THEM4: variants seen among roughly 807,000 people sequenced by gnomAD.
THEM4 encodes thioesterase superfamily member 4.
A neutral mutation model predicts 25.0 loss-of-function variants in THEM4; 22 were observed. That is an observed-to-expected ratio of 0.88 (90% CI 0.63 to 1.26). The LOEUF is 1.26. Ranked by LOEUF, THEM4 falls within the 50% of genes most tolerant of loss-of-function variation. The pLI is 0.00. For missense variants in THEM4, 286 were observed against 300.3 expected (o/e 0.95, Z 0.35); for synonymous variants, 113 against 105.6 (o/e 1.07, Z -0.43).
At chr1:151,890,055 C>T in intron 2 of THEM4, 1 of 288,506 alleles carries the variant, frequency 3.5e-6, no homozygotes. Flanking sequence ...TACAGGCGCC[C>T]ACCACCACGC....
chr1:151,875,191 T>A (rs1653646449), intron 5 of THEM4, among the ~76,000 whole-genome samples: 1 of 152,168 alleles, frequency 6.6e-6, no homozygotes, highest in South Asian at 2.1e-4. Flanking sequence ...TGAAAAGAAC[T>A]AAAATTACAA....
intron 2 of THEM4, among the ~76,000 whole-genome samples, chr1:151,892,328 A>G (rs1654112292): frequency 6.6e-6 from 1 of 152,200 alleles, no homozygotes; most frequent in Non-Finnish European, 1.5e-5. Flanking sequence ...AATGAGAATG[A>G]GACAGGGAGG....
intron 1 of THEM4, among the ~76,000 whole-genome samples, chr1:151,900,306 C>A (rs949138222): frequency 2.0e-5 from 3 of 151,974 alleles, no homozygotes; most frequent in African/African-American, 7.2e-5. Flanking sequence ...ACAAAGAGTA[C>A]AATGAACACA....
chr1:151,896,680 TG>T (rs1317062147), intron 1 of THEM4, among the ~76,000 whole-genome samples: 1 of 152,130 alleles, frequency 6.6e-6, no homozygotes, highest in Non-Finnish European at 1.5e-5. Flanking sequence ...GGATTTTAAA[TG>T]GGGGGTAACA....
rs536296471 is a variant in THEM4 at position 151,872,908 on chromosome 1, C to G, written c.*1980G>C. Among the ~76,000 whole-genome samples, 132 of 152,186 alleles carry G rather than the reference C, an allele frequency of 8.7e-4. No individual in the cohort carries two copies. Among genetic ancestry groups the G allele is most frequent in the Non-Finnish European group, 1.7e-3 (115 of 68,014 alleles). On this transcript the variant is annotated 3_prime_UTR_variant, in exon 6 of 6. Transcript: ENST00000368814. Reference sequence around the variant, plus strand: ...GGGAAGGGAAAGACCTGACCATCCCCCAGCCCGACACCCGCAAAGGGTCTG... The same window carrying G: ...GGGAAGGGAAAGACCTGACCATCCCGCAGCCCGACACCCGCAAAGGGTCTG...
At position 151,894,601 on chromosome 1, in the gene THEM4, C is replaced by T. The variant is rs147063932; in HGVS notation, c.286+407G>A. 5.9e-3 allele frequency among the ~76,000 whole-genome samples: 891 copies of T among 151,968 alleles called. 9 individuals are homozygous for T. Among genetic ancestry groups the T allele is most frequent in the African/African-American group, 0.021 (853 of 41,420 alleles). On this transcript the variant is annotated intron_variant, in intron 2 of 5. Transcript: ENST00000368814. ...GTGTTTTGGGTGTTGGGTGGGTTGCCCTGGGGATTTAGATACTGGGAGATG... is the reference window on the plus strand; with the variant it reads ...GTGTTTTGGGTGTTGGGTGGGTTGCTCTGGGGATTTAGATACTGGGAGATG...
At chr1:151,875,333 C>A (rs1195026623) in intron 5 of THEM4, among the ~76,000 whole-genome samples, 1 of 152,160 alleles carries the variant, frequency 6.6e-6, no homozygotes, top group East Asian at 1.9e-4. Context: ...TTAAATCCAT[C>A]ATTCCTGCAA....
At position 151,895,128 on chromosome 1, in the gene THEM4, C is replaced by T. The variant is rs773255333; in HGVS notation, c.166G>A (p.Asp56Asn). 6.2e-7 allele frequency: 1 copy of T among 1,614,112 alleles called. No homozygotes were observed. The highest frequency in any genetic ancestry group is 1.7e-5 in the Admixed American group (1 of 60,018). ...CSVPNPSWNK[D>N]LRLLFDQFMK... The stretch of plus-strand genomic sequence containing the variant: ...AACTGGTCAAAGAGCAGTCTTAGGT[C>T]CTTGTTCCAGCTGGGGTTGGGGACA... The change falls in exon 2 of 6, where the codon GAC becomes AAC. Residue 56 changes from aspartate (D) to asparagine (N), a missense_variant. Coordinates refer to ENST00000368814, the MANE Select transcript of THEM4 (RefSeq NM_053055.5).
chr1:151,893,323 G>C (rs1400152530), intron 2 of THEM4, among the ~76,000 whole-genome samples: 1 of 150,540 alleles, frequency 6.6e-6, no homozygotes, highest in African/African-American at 2.4e-5. Flanking sequence ...AGTGAGCCGA[G>C]GTCACGCCAC....
At chr1:151,884,300 A>C (rs1486985701) in intron 4 of THEM4, among the ~76,000 whole-genome samples, 1 of 152,158 alleles carries the variant, frequency 6.6e-6, no homozygotes, top group Non-Finnish European at 1.5e-5. Context: ...AAAACTATTG[A>C]GTGTATTTTT....
At chr1:151,894,063 A>G (rs111285539) in intron 2 of THEM4, among the ~76,000 whole-genome samples, 1 of 152,092 alleles carries the variant, frequency 6.6e-6, no homozygotes, top group African/African-American at 2.4e-5. Flanking sequence ...AGGTTTCACC[A>G]TGTTGGCCAG....
At chr1:151,896,298 G>A (rs948332436) in intron 1 of THEM4, among the ~76,000 whole-genome samples, 2 of 152,030 alleles carry the variant, frequency 1.3e-5, no homozygotes, top group African/African-American at 4.8e-5. Context: ...CCGGCTGACT[G>A]TAAGTTTTCT....
At chr1:151,907,739 G>C (rs985831940) in intron 1 of THEM4, among the ~76,000 whole-genome samples, 1 of 152,086 alleles carries the variant, frequency 6.6e-6, no homozygotes, top group Non-Finnish European at 1.5e-5. Flanking sequence ...CTTCTTTTTG[G>C]GGGGACAGCA....
intron 4 of THEM4, among the ~76,000 whole-genome samples, chr1:151,880,802 T>A (rs7541498): frequency 0.89 from 135,585 of 152,094 alleles, 60,555 homozygotes; most frequent in East Asian, 0.92. Context: ...AGTTTTTTAC[T>A]TTTAAAAATT....
intron 1 of THEM4, among the ~76,000 whole-genome samples, chr1:151,907,732 C>T (rs1654502313): frequency 6.6e-6 from 1 of 152,194 alleles, no homozygotes; most frequent in Non-Finnish European, 1.5e-5. Flanking sequence ...CATTCCTCTT[C>T]TTTTTGGGGG....
At chr1:151,896,478 T>C (rs1654228505) in intron 1 of THEM4, among the ~76,000 whole-genome samples, 1 of 152,162 alleles carries the variant, frequency 6.6e-6, no homozygotes, top group Non-Finnish European at 1.5e-5. Flanking sequence ...TGAAACAGTT[T>C]TGAGGGGCCT....
intron 1 of THEM4, among the ~76,000 whole-genome samples, chr1:151,901,933 A>G (rs1159867070): frequency 2.0e-5 from 3 of 152,228 alleles, no homozygotes; most frequent in Admixed American, 6.5e-5. Context: ...AAATTTAAAA[A>G]ATTCTTCAGA....
chr1:151,903,196 G>A (rs182593627), intron 1 of THEM4, among the ~76,000 whole-genome samples: 6 of 152,166 alleles, frequency 3.9e-5, no homozygotes, highest in African/African-American at 1.2e-4. Context: ...ATTTGGGAAA[G>A]AAAGAAAAGA....
chr1:151,879,659 C>CTTTTTTTTTT (rs60809136), intron 4 of THEM4, among the ~76,000 whole-genome samples: 1 of 135,408 alleles, frequency 7.4e-6, no homozygotes, highest in African/African-American at 2.7e-5. Context: ...CTTTTCTTTT[C>CTTTTTTTTTT]TTTTTTTTTT....
Sources: gnomAD v4.1 joint callset for allele counts (sites outside exome capture counted in the v4.1 genomes callset) on GRCh38, gnomAD v4.1.1 for gene constraint, MANE v1.5 for transcripts, NCBI Gene and HGNC (gene_info 2026-07-23, HGNC 2026-07-21) for gene names.